RIMBP2: variants seen among roughly 807,000 people sequenced by gnomAD.
RIMBP2 encodes the protein RIMS-binding protein 2.
RIMBP2 carries 48 observed loss-of-function variants against 118.6 expected under a neutral mutation model. That is an observed-to-expected ratio of 0.40 (90% CI 0.32 to 0.51). The LOEUF (loss-of-function observed/expected upper bound fraction) is 0.51, where lower values mean the gene tolerates loss of function less well. RIMBP2 is among the 20% of genes least tolerant of loss of function. The pLI is 0.41. For synonymous variants in RIMBP2, 762 were observed against 742.9 expected, an observed-to-expected ratio of 1.03 and a Z score of -0.42; for missense variants, 1,551 against 1,768.3, an observed-to-expected ratio of 0.88 and a Z score of 2.20.
intron 2 of RIMBP2, among the ~76,000 whole-genome samples, chr12:130,594,824 T>C (rs2059461176): frequency 6.6e-6 from 1 of 152,232 alleles, no homozygotes; most frequent in African/African-American, 2.4e-5. Flanking sequence ...CAGAGATATT[T>C]TGGATTTATT....
At chr12:130,611,827 T>C (rs1158916275) in intron 2 of RIMBP2, among the ~76,000 whole-genome samples, 1 of 152,194 alleles carries the variant, frequency 6.6e-6, no homozygotes, top group African/African-American at 2.4e-5. Context: ...AACTGCCTGT[T>C]ACACGAAGGC....
At position 130,442,044 on chromosome 12, in the gene RIMBP2, G is replaced by A. The variant is rs1429668175; in HGVS notation, c.1308C>T (p.Ser436=). Residue 436 remains serine (S), a synonymous_variant, in exon 11 of 23, where the codon AGC becomes AGT. Transcript: ENST00000690449. The surrounding 1 kb of genome is among the most constrained non-coding windows in gnomAD (Gnocchi z 6.9). ...CCTCCTCGTTGAGGAAGATGACGTG[G>A]CTGTAGTTGCTGTTGGTGGGTAGCC... is the stretch of plus-strand genomic sequence containing the variant. ...LSWLPTNSNY[S]HVIFLNEEEF... 1.2e-6 allele frequency: 2 copies of A among 1,614,172 alleles called. No individual in the cohort carries two copies. Among genetic ancestry groups the A allele is most frequent in the Admixed American group, 1.7e-5 (1 of 60,030 alleles).
Position 130,422,547 on chromosome 12 carries a change from T to G in RIMBP2, c.3144A>C (p.Pro1048=). The G allele has an allele frequency of 6.2e-7, 1 of 1,608,118 alleles. No homozygotes were observed. ...VAQGPLILGN[P]ASAGRVDHMG... ...TGTGATCCACCCGTCCTGCAGAGGC[T>G]GGGTTCCCTAAAATCTAAAGACAAA... Residue 1048 remains proline, a synonymous_variant, in exon 17 of 23, where the codon CCA becomes CCC. Transcript: ENST00000690449. This position sits in a 1 kb window ranked among gnomAD's most constrained non-coding sequence, Gnocchi z 5.2.
intron 1 of RIMBP2, among the ~76,000 whole-genome samples, chr12:130,644,173 G>C (rs1485073747): frequency 6.6e-6 from 1 of 152,200 alleles, no homozygotes; most frequent in Non-Finnish European, 1.5e-5. Context: ...CCATTGAGAC[G>C]AAGGAAAGGA....
At chr12:130,438,334 A>AGGGCCCCCCCCCCC in intron 12 of RIMBP2, 31 bp downstream of exon 12, 2 of 1,344,518 alleles carry the variant, frequency 1.5e-6, no homozygotes, top group Non-Finnish European at 1.1e-6. Context: ...GGGCCTAACA[A>AGGGCCCCCCCCCCC]ACCCTCCCCA....
At chr12:130,412,543 C>A in intron 19 of RIMBP2, 76 bp downstream of exon 19, 1 of 1,369,462 alleles carries the variant, frequency 7.3e-7, no homozygotes. Flanking sequence ...CTCCTCATCA[C>A]CGCCTGCCTC....
At chr12:130,466,728 G>C (rs192297979) in intron 6 of RIMBP2, among the ~76,000 whole-genome samples, 1 of 152,178 alleles carries the variant, frequency 6.6e-6, no homozygotes, top group Non-Finnish European at 1.5e-5. Flanking sequence ...AAACAGTTCC[G>C]CTGAAGTTCA....
rs1287847295 is a variant in RIMBP2 at position 130,623,031 on chromosome 12, T to G, written c.-217+5291A>C. On this transcript the variant is annotated intron_variant, in intron 2 of 22. Coordinates refer to ENST00000690449, the MANE Select transcript of RIMBP2 (RefSeq NM_001393629.1). This position sits in a 1 kb window ranked among gnomAD's most constrained non-coding sequence, Gnocchi z 4.1. The stretch of plus-strand genomic sequence containing the variant: ...ATTTCCTTCTAGTATCAATGGTTTC[T>G]TATCTCAACAAATATTTGCCAAGCA... 6.6e-6 allele frequency among the ~76,000 whole-genome samples: 1 copy of G among 152,240 alleles called. No homozygotes were observed. Among genetic ancestry groups the G allele is most frequent in the Non-Finnish European group, 1.5e-5 (1 of 68,036 alleles).
chr12:130,704,229 C>G (rs1648377410), intron 1 of RIMBP2, among the ~76,000 whole-genome samples: 1 of 152,050 alleles, frequency 6.6e-6, no homozygotes, highest in African/African-American at 2.4e-5. Flanking sequence ...GCAACTCAAC[C>G]CGCGTCCCAA....
chr12:130,414,931 C>T (rs148160694), intron 17 of RIMBP2, among the ~76,000 whole-genome samples: 203 of 152,212 alleles, frequency 1.3e-3, no homozygotes, highest in African/African-American at 4.6e-3. Flanking sequence ...CCTGAATAGA[C>T]CAATATTGAT....
At chr12:130,577,524 T>C (rs1238411238) in intron 2 of RIMBP2, among the ~76,000 whole-genome samples, 8 of 152,156 alleles carry the variant, frequency 5.3e-5, no homozygotes, top group Middle Eastern at 3.4e-3. Context: ...GAAACCGCCA[T>C]GTTTGAAACC....
rs563292243 is a variant in RIMBP2, at chr12:130,525,379, G to T, written c.-216-7462C>A. 2.6e-5 allele frequency among the ~76,000 whole-genome samples: 4 copies of T among 152,336 alleles called. No individual in the cohort carries two copies. The South Asian group carries it at 8.3e-4, about 32-fold the overall frequency. ...AATGGGTGGGAGATAAAGAGGAAGA[G>T]GGAGGAGATGCTTTTTTGCAGAGTG... On this transcript the variant is annotated intron_variant, in intron 2 of 22. Coordinates refer to ENST00000690449, the MANE Select transcript of RIMBP2 (RefSeq NM_001393629.1). This position sits in a 1 kb window ranked among gnomAD's most constrained non-coding sequence, Gnocchi z 4.4.
rs1005347117 is a variant in RIMBP2 at position 130,434,140 on chromosome 12, T to C, written c.2253+594A>G. Among the ~76,000 whole-genome samples, 2 of 152,216 alleles carry C rather than the reference T, an allele frequency of 1.3e-5. No individual in the cohort carries two copies. Among genetic ancestry groups the C allele is most frequent in the African/African-American group, 4.8e-5 (2 of 41,452 alleles). The stretch of plus-strand genomic sequence containing the variant: ...GCAGCGTCTTCGAGCTCCCACTATT[T>C]AGCATTCCCCAGGCCCTCGGTTATT... On this transcript the variant is annotated intron_variant, in intron 14 of 22. Transcript: ENST00000690449. The surrounding 1 kb of genome is among the most constrained non-coding windows in gnomAD (Gnocchi z 5.7).
intron 2 of RIMBP2, among the ~76,000 whole-genome samples, chr12:130,627,613 T>G (rs913663351): frequency 2.0e-5 from 3 of 152,130 alleles, no homozygotes; most frequent in Non-Finnish European, 2.9e-5. Context: ...CTCCCCACAC[T>G]TCTACTGCTC....
intron 2 of RIMBP2, among the ~76,000 whole-genome samples, chr12:130,580,236 G>C (rs1325456106): frequency 6.6e-6 from 1 of 151,846 alleles, no homozygotes; most frequent in Non-Finnish European, 1.5e-5. Context: ...CATATGGTTT[G>C]GCTGTGTCCC....
chr12:130,463,201 C>T (rs2080160355), intron 6 of RIMBP2, among the ~76,000 whole-genome samples: 1 of 152,202 alleles, frequency 6.6e-6, no homozygotes, highest in African/African-American at 2.4e-5. Context: ...TATTTATTTC[C>T]GGATACAGAG....
rs551818718 is a variant in RIMBP2, at chr12:130,560,682, G to T, written c.-216-42765C>A. 2.0e-5 allele frequency among the ~76,000 whole-genome samples: 3 copies of T among 152,158 alleles called. No homozygotes were observed. In the East Asian group the frequency reaches 5.8e-4, roughly 29 times the overall value. On this transcript the variant is annotated intron_variant, in intron 2 of 22. Coordinates refer to ENST00000690449, the MANE Select transcript of RIMBP2 (RefSeq NM_001393629.1). The stretch of plus-strand genomic sequence containing the variant: ...GAGTCAGGAGAGCAGCTCCTCAATC[G>T]CATGTGTCTTAACCAAATGGAACTC...
At chr12:130,696,552 C>T (rs1179186959) in intron 1 of RIMBP2, among the ~76,000 whole-genome samples, 2 of 152,336 alleles carry the variant, frequency 1.3e-5, no homozygotes, top group East Asian at 3.9e-4. Context: ...ATATGAATTT[C>T]TAGCTAGATA....
At chr12:130,510,587 G>A (rs955484953) in intron 3 of RIMBP2, among the ~76,000 whole-genome samples, 1 of 152,106 alleles carries the variant, frequency 6.6e-6, no homozygotes, top group Non-Finnish European at 1.5e-5. Flanking sequence ...TCATGCCTCA[G>A]CCTCCCAAGT....
Sources: allele counts gnomAD v4.1 joint callset (sites outside exome capture counted in the v4.1 genomes callset), GRCh38; gene constraint gnomAD v4.1.1; non-coding constraint Gnocchi (gnomAD v3.1); transcripts MANE v1.5; gene names NCBI Gene and HGNC (gene_info 2026-07-23, HGNC 2026-07-21).